LRRC69: variants seen among roughly 807,000 people sequenced by gnomAD.
LRRC69 encodes leucine-rich repeat-containing protein 69.
Under a neutral mutation model 37.8 loss-of-function variants are expected in LRRC69, and 42 were observed. The observed-to-expected ratio is 1.11, with a 90% CI of 0.87 to 1.44. The LOEUF (loss-of-function observed/expected upper bound fraction) is 1.44, where lower values mean the gene tolerates loss of function less well. LRRC69 is among the 40% of genes most tolerant of loss of function. The pLI is 0.00. For missense variants in LRRC69, 357 were observed against 401.9 expected, an observed-to-expected ratio of 0.89 and a Z score of 0.96; for synonymous variants, 141 against 143.1, an observed-to-expected ratio of 0.99 and a Z score of 0.11.
chr8:91,151,975 C>T (rs1808746948), intron 5 of LRRC69, among the ~76,000 whole-genome samples: 1 of 151,274 alleles, frequency 6.6e-6, no homozygotes, highest in East Asian at 1.9e-4. Flanking sequence ...GTCCTTTGCC[C>T]ACTTTTTGAT....
chr8:91,184,885 G>T (rs1244477374), intron 5 of LRRC69, among the ~76,000 whole-genome samples: 1 of 152,176 alleles, frequency 6.6e-6, no homozygotes, highest in Non-Finnish European at 1.5e-5. Context: ...GGGAGATGAG[G>T]CCAAAGAGAT....
intron 1 of LRRC69, among the ~76,000 whole-genome samples, chr8:91,106,597 A>G (rs999379023): frequency 1.3e-5 from 2 of 152,042 alleles, no homozygotes; most frequent in African/African-American, 4.8e-5. Flanking sequence ...ATCATTTGTC[A>G]AAGGTCACTC....
At chr8:91,195,973 C>T (rs1310783057) in intron 6 of LRRC69, among the ~76,000 whole-genome samples, 32 of 152,266 alleles carry the variant, frequency 2.1e-4, no homozygotes, top group Admixed American at 2.6e-4. Flanking sequence ...GATTTTGCAG[C>T]GGCTGGTACC....
At chr8:91,178,487 C>A (rs1809273375) in intron 5 of LRRC69, among the ~76,000 whole-genome samples, 1 of 152,184 alleles carries the variant, frequency 6.6e-6, no homozygotes, top group Non-Finnish European at 1.5e-5. Context: ...TCAGACAGTA[C>A]AATTACTATG....
At chr8:91,121,318 A>G (rs1240995963) in intron 1 of LRRC69, among the ~76,000 whole-genome samples, 1 of 152,054 alleles carries the variant, frequency 6.6e-6, no homozygotes, top group Non-Finnish European at 1.5e-5. Flanking sequence ...ATATGCTTAA[A>G]ACCCTACAGT....
At chr8:91,202,350 C>G (rs1809724832) in intron 7 of LRRC69, among the ~76,000 whole-genome samples, 1 of 152,182 alleles carries the variant, frequency 6.6e-6, no homozygotes, top group African/African-American at 2.4e-5. Context: ...GGCCCTATTT[C>G]CAAACAAGGT....
At chr8:91,175,718 C>T (rs151030614) in intron 5 of LRRC69, among the ~76,000 whole-genome samples, 75 of 151,958 alleles carry the variant, frequency 4.9e-4, no homozygotes, top group African/African-American at 1.7e-3. Context: ...GAGTAGGAAA[C>T]GTTTGGTGGT....
chr8:91,161,616 C>A (rs779755406), intron 5 of LRRC69, among the ~76,000 whole-genome samples: 21 of 151,102 alleles, frequency 1.4e-4, no homozygotes, highest in African/African-American at 5.1e-4. Flanking sequence ...TGATCCTTTG[C>A]GTTCTGTGAT....
intron 5 of LRRC69, among the ~76,000 whole-genome samples, chr8:91,150,641 A>C (rs1383835572): frequency 6.6e-6 from 1 of 151,974 alleles, no homozygotes; most frequent in African/African-American, 2.4e-5. Context: ...TACTGATTGG[A>C]ATAGTTTCAG....
rs747701330 is a variant in LRRC69 at position 91,189,570 on chromosome 8, T to A, written c.700T>A (p.Phe234Ile). 1.9e-4 allele frequency: 295 copies of A among 1,551,106 alleles called. No individual in the cohort carries two copies. The highest frequency in any genetic ancestry group is 2.5e-4 in the Non-Finnish European group (283 of 1,146,642). ...ATTCTACTGTGAGGGAAACCCACTG[T>A]TCCTGCAGCAGCCAGTGATTTCTAC... The change falls in exon 6 of 8, where the codon TTC becomes ATC. Residue 234 changes from phenylalanine (F) to isoleucine (I), a missense_variant. Phe to Ile is a conservative substitution (Grantham distance 21). Coordinates refer to ENST00000448384, the Ensembl canonical transcript of LRRC69.
chr8:91,102,808 C>T, exon 1 of LRRC69: 1 of 1,551,344 alleles, frequency 6.4e-7, no homozygotes, highest in Middle Eastern at 1.7e-4. Context: ...ATAACCTAAT[C>T]CCCAAAGTGT....
rs749412194 is a variant in LRRC69 at position 91,127,126 on chromosome 8, A to G, written c.349A>G (p.Asn117Asp). The G allele has an allele frequency of 1.2e-5, 18 of 1,548,700 alleles. No individual in the cohort carries two copies. The South Asian group carries it at 2.1e-4, about 18-fold the overall frequency. ...TTTAATCCTGCTTAATCTGAACAAC[A>G]ATCATCTTACGCAGCTTCCTCAAGA... The change falls in exon 3 of 8, where the codon AAT (asparagine) becomes GAT (aspartate). Residue 117 changes from asparagine (N) to aspartate (D), a missense_variant. Asn to Asp is a conservative substitution (Grantham distance 23). Coordinates refer to ENST00000448384, the Ensembl canonical transcript of LRRC69.
chr8:91,143,852 T>C (rs1436703751), intron 5 of LRRC69, among the ~76,000 whole-genome samples: 1 of 151,974 alleles, frequency 6.6e-6, no homozygotes, highest in Non-Finnish European at 1.5e-5. Context: ...AGGAGAAGGT[T>C]TGAATCCATT....
At chr8:91,165,075 A>AT (rs1324411376) in intron 5 of LRRC69, among the ~76,000 whole-genome samples, 5 of 151,744 alleles carry the variant, frequency 3.3e-5, no homozygotes, top group African/African-American at 9.6e-5. Context: ...GTGAATAGAC[A>AT]TTTTGTGCCT....
chr8:91,171,278 C>G (rs1809125538), intron 5 of LRRC69, among the ~76,000 whole-genome samples: 1 of 137,228 alleles, frequency 7.3e-6, no homozygotes, highest in Non-Finnish European at 1.6e-5. Flanking sequence ...TCCTCTTACC[C>G]CCCATGAAAT....
chr8:91,203,502 C>T (rs1166423876), intron 7 of LRRC69, among the ~76,000 whole-genome samples: 1 of 151,742 alleles, frequency 6.6e-6, no homozygotes, highest in Non-Finnish European at 1.5e-5. Flanking sequence ...AAGCAATTCT[C>T]CTGCCTCGGC....
chr8:91,189,441 GTTTAA>G, intron 5 of LRRC69, 76 bp from the exon 6 acceptor site: 1 of 937,270 alleles, frequency 1.1e-6, no homozygotes, highest in Non-Finnish European at 1.6e-6. Flanking sequence ...AGTAATTTCA[GTTTAA>G]TTTTATTAAA....
At chr8:91,198,431 G>A (rs1380100010) in intron 6 of LRRC69, among the ~76,000 whole-genome samples, 6 of 152,076 alleles carry the variant, frequency 3.9e-5, no homozygotes, top group East Asian at 3.8e-4. Flanking sequence ...TTGATGCTAC[G>A]TTTTAGTGCT....
chr8:91,137,413 C>A lies in LRRC69; in HGVS notation c.651+1674C>A, dbSNP rs141648870. ...TTTCTTGCTTTTGGATGGTAAACTTCCAGAGAAAGAATACTCTTTTTTTCC... is the reference window on the plus strand; with the variant it reads ...TTTCTTGCTTTTGGATGGTAAACTTACAGAGAAAGAATACTCTTTTTTTCC... On this transcript the variant is annotated intron_variant, in intron 5 of 7. Coordinates refer to ENST00000448384, the Ensembl canonical transcript of LRRC69. Among the ~76,000 whole-genome samples the A allele has an allele frequency of 4.6e-5, 7 of 152,060 alleles. No individual in the cohort carries two copies. In the East Asian group the frequency reaches 1.4e-3, roughly 29 times the overall value.
Sources: gnomAD v4.1 joint callset for allele counts (sites outside exome capture counted in the v4.1 genomes callset) on GRCh38, gnomAD v4.1.1 for gene constraint, MANE v1.5 for transcripts, NCBI Gene and HGNC (gene_info 2026-07-23, HGNC 2026-07-21) for gene names.